Variants in ANKHD1 observed in about 807,000 individuals in gnomAD.
ANKHD1 encodes the protein ankyrin repeat and KH domain-containing protein 1.
In ANKHD1, 31 loss-of-function variants were observed where a neutral mutation model predicts 230.5. The observed-to-expected ratio is 0.13, with a 90% CI of 0.10 to 0.18. The LOEUF (loss-of-function observed/expected upper bound fraction) is 0.18. Among genes scored for constraint, ANKHD1 ranks in the 10% least tolerant of loss-of-function variants. ANKHD1 has a pLI of 1.00. For synonymous variants in ANKHD1, 1,074 were observed against 1,117.6 expected (o/e 0.96, Z 0.78); for missense variants, 2,256 against 3,071.3 (o/e 0.73, Z 6.27).
In ANKHD1 at chr5:140,535,742, A is replaced by G. The variant is rs1030892048; in HGVS notation, c.7027+204A>G. ...TATTCTTTCAAGCCAAAAATGTTTT[A>G]CAGTAGAACTTGGATCAAGAAAAGA... On this transcript the variant is annotated intron_variant, in intron 30 of 33. Coordinates refer to ENST00000360839, the MANE Select transcript of ANKHD1 (RefSeq NM_017747.3). The G allele has an allele frequency of 4.2e-6, 3 of 718,668 alleles. No individual in the cohort carries two copies. The African/African-American group carries it at 5.6e-5, about 13-fold the overall frequency. 44.5% of individuals were successfully genotyped at this position (718,668 alleles called of 1,614,324 possible). A position where few individuals can be genotyped will look rare whatever the true frequency, so the allele number is the denominator to read the frequency against.
At chr5:140,489,234 G>A (rs1751656322) in intron 14 of ANKHD1, among the ~76,000 whole-genome samples, 1 of 151,756 alleles carries the variant, frequency 6.6e-6, no homozygotes, top group African/African-American at 2.4e-5. Context: ...TAGGCTATGT[G>A]CTGTGGCTCA....
chr5:140,453,049 G>A (rs1774876251), intron 7 of ANKHD1, among the ~76,000 whole-genome samples: 1 of 152,158 alleles, frequency 6.6e-6, no homozygotes, highest in Non-Finnish European at 1.5e-5. Context: ...GAAGACCATG[G>A]CACAAGAACT....
intron 10 of ANKHD1, 32 bp downstream of exon 10, chr5:140,464,808 G>A (rs774942903): frequency 1.3e-5 from 20 of 1,566,732 alleles, no homozygotes; most frequent in Admixed American, 1.2e-4. Context: ...ATATTTTTGC[G>A]TTAATGTTAA....
intron 1 of ANKHD1, among the ~76,000 whole-genome samples, chr5:140,404,440 T>G (rs545335526): frequency 5.6e-4 from 85 of 151,874 alleles, no homozygotes; most frequent in African/African-American, 2.0e-3. Flanking sequence ...TTGTTTTTTT[T>G]GTTTTTTTTG....
intron 10 of ANKHD1, among the ~76,000 whole-genome samples, chr5:140,474,966 G>A (rs115326037): frequency 8.0e-4 from 122 of 152,018 alleles, no homozygotes; most frequent in African/African-American, 2.5e-3. Flanking sequence ...AAGGAATAGC[G>A]TATATACATA....
At chr5:140,494,900 A>G (rs1002005430) in intron 14 of ANKHD1, among the ~76,000 whole-genome samples, 1 of 152,218 alleles carries the variant, frequency 6.6e-6, no homozygotes, top group African/African-American at 2.4e-5. Context: ...TTTAATTTAC[A>G]TACCATAAAG....
chr5:140,433,424 C>T (rs905799763), intron 1 of ANKHD1, among the ~76,000 whole-genome samples: 13 of 152,086 alleles, frequency 8.5e-5, no homozygotes, highest in Non-Finnish European at 1.9e-4. Flanking sequence ...CCTCTTCTGC[C>T]CACCTCTACC....
Position 140,482,672 on chromosome 5 carries a change from A to T in ANKHD1, c.1870+5A>T, listed in dbSNP as rs1480965688. On this transcript the variant is annotated splice_donor_5th_base_variant and intron_variant, in intron 11 of 33. Transcript: ENST00000360839. ...TGCAGTTTCTTATTAGCAAAGGTAA[A>T]GAAAGGGCAAGTGATCATTTCCAAG... is the stretch of plus-strand genomic sequence containing the variant. 9.3e-6 allele frequency: 15 copies of T among 1,610,816 alleles called. No homozygotes were observed. The highest frequency in any genetic ancestry group is 1.3e-5 in the Non-Finnish European group (15 of 1,179,088).
In ANKHD1 at chr5:140,526,966, G is replaced by A. The variant is rs376172478; in HGVS notation, c.4979G>A (p.Ser1660Asn). ...GTGACTCCTAATTCCTTGTCAACCAGCTACAAGACAGTGTCATTGCCATTA... is the reference window on the plus strand; with the variant it reads ...GTGACTCCTAATTCCTTGTCAACCAACTACAAGACAGTGTCATTGCCATTA... ...GEVTPNSLSTSYKTVSLPLSS... is the reference protein window; with the variant it reads ...GEVTPNSLSTNYKTVSLPLSS... The change falls in exon 27 of 34, where the codon AGC (serine) becomes AAC (asparagine). Residue 1660 changes from serine (S) to asparagine (N), a missense_variant. Around this residue, in one of 13 missense-constraint regions of ANKHD1, gnomAD observed 212 missense variants for 257.3 expected, o/e 0.82. Coordinates refer to ENST00000360839, the MANE Select transcript of ANKHD1 (RefSeq NM_017747.3). 213 of 1,613,298 alleles carry A rather than the reference G, an allele frequency of 1.3e-4. No individual in the cohort carries two copies. Among genetic ancestry groups the A allele is most frequent in the Non-Finnish European group, 1.7e-4 (203 of 1,179,748 alleles).
rs1200363539 is a variant in ANKHD1 at position 140,482,662 on chromosome 5, G to A, written c.1865G>A (p.Ser622Asn). The A allele has an allele frequency of 1.2e-6, 2 of 1,611,252 alleles. No homozygotes were observed. The highest frequency in any genetic ancestry group is 2.7e-5 in the African/African-American group (2 of 74,842). The change falls in exon 11 of 34, where the codon AGC (serine) becomes AAC (asparagine). Residue 622 changes from serine (S) to asparagine (N), a missense_variant. This residue lies in a region of ANKHD1 where 179 missense variants were observed against 261.8 expected (regional missense o/e 0.68). Transcript: ENST00000360839. ...TTGTGCACTGTGCAGTTTCTTATTA[G>A]CAAAGGTAAAGAAAGGGCAAGTGAT... The part of the protein sequence containing the change: ...GHLCTVQFLI[S>N]KGANVNRATA...
chr5:140,507,744 A>G lies in ANKHD1; in HGVS notation c.3552-41A>G, dbSNP rs766063760. ...TTAATGCTTTTCTAAAATAATAGGC[A>G]ACATATTATTTTAATTTTCTAAGCA... On this transcript the variant is annotated intron_variant, in intron 19 of 33. Transcript: ENST00000360839. The surrounding 1 kb of genome is among the most constrained non-coding windows in gnomAD (Gnocchi z 4.1). 3 of 1,596,142 alleles carry G rather than the reference A, an allele frequency of 1.9e-6. No individual in the cohort carries two copies. The Admixed American group carries it at 5.1e-5, about 27-fold the overall frequency.
rs919474039 is a variant in ANKHD1, at chr5:140,506,368, C to T, written c.3409-467C>T. On this transcript the variant is annotated intron_variant, in intron 18 of 33. Transcript: ENST00000360839. The surrounding 1 kb of genome is among the most constrained non-coding windows in gnomAD (Gnocchi z 4.7). ...TGGAGATGAGGTCTCATTATGTTGC[C>T]CAAGCTGGCCTTGAACTCCTGGCCT... is the stretch of plus-strand genomic sequence containing the variant. Among the ~76,000 whole-genome samples the T allele has an allele frequency of 6.6e-6, 1 of 151,924 alleles. No homozygotes were observed. Among genetic ancestry groups the T allele is most frequent in the Non-Finnish European group, 1.5e-5 (1 of 68,018 alleles).
chr5:140,496,456 C>CTTTTG, intron 14 of ANKHD1, 64 bp from the exon 15 acceptor site: 1 of 875,154 alleles, frequency 1.1e-6, no homozygotes, highest in Non-Finnish European at 1.4e-6. Context: ...TTTTTTTTTT[C>CTTTTG]TTTTCTTTTT....
chr5:140,440,599 G>A (rs1329924549), intron 4 of ANKHD1, among the ~76,000 whole-genome samples: 1 of 152,064 alleles, frequency 6.6e-6, no homozygotes, highest in Admixed American at 6.5e-5. Context: ...TCACATTCAG[G>A]TTACCCCAAT....
chr5:140,465,940 G>A (rs1581293364), intron 10 of ANKHD1, among the ~76,000 whole-genome samples: 2 of 152,130 alleles, frequency 1.3e-5, no homozygotes, highest in South Asian at 4.1e-4. Flanking sequence ...AGGAATTGAA[G>A]TTTGTCATTC....
At chr5:140,508,478 G>A (rs1482086842) in intron 20 of ANKHD1, among the ~76,000 whole-genome samples, 1 of 151,972 alleles carries the variant, frequency 6.6e-6, no homozygotes, top group Non-Finnish European at 1.5e-5. Flanking sequence ...TGGAGGCTGG[G>A]CGCGGTGGCT....
chr5:140,537,434 C>G lies in ANKHD1; in HGVS notation c.7073C>G (p.Ala2358Gly). The change falls in exon 31 of 34, where the codon GCC (alanine) becomes GGC (glycine). Residue 2358 changes from alanine to glycine, a missense_variant. By Grantham distance (60) the Ala-to-Gly change is moderately conservative. Coordinates refer to ENST00000360839, the MANE Select transcript of ANKHD1 (RefSeq NM_017747.3). ...PTLGQPKGVS[A>G]SQDRKIPPPI... ...TTGGGCCAACCAAAAGGAGTCAGTG[C>G]CAGTCAAGATCGAAAGATACCTCCC... 1 of 1,614,134 alleles carries G rather than the reference C, an allele frequency of 6.2e-7. No homozygotes were observed. Among genetic ancestry groups the G allele is most frequent in the East Asian group, 2.2e-5 (1 of 44,878 alleles).
At position 140,539,386 on chromosome 5, in the gene ANKHD1, A is replaced by G. The variant is rs1419482876; in HGVS notation, c.7597A>G (p.Ile2533Val). 4 of 1,613,928 alleles carry G rather than the reference A, an allele frequency of 2.5e-6. No individual in the cohort carries two copies. The highest frequency in any genetic ancestry group is 2.2e-5 in the South Asian group (2 of 91,066). ...QIWPGTWAPHIGNMHLKYVN is the reference protein window; with the variant it reads ...QIWPGTWAPHVGNMHLKYVN ...TTGGCCTGGCACGTGGGCACCTCAT[A>G]TTGGAAACATGCATCTCAAATATGT... The change falls in exon 34 of 34, where the codon ATT becomes GTT. Residue 2533 changes from isoleucine (I) to valine (V), a missense_variant. Transcript: ENST00000360839.
rs1250514677 is a variant in ANKHD1, at chr5:140,527,815, C to T, written c.5088-58C>T. 1 of 1,534,314 alleles carries T rather than the reference C, an allele frequency of 6.5e-7. No individual in the cohort carries two copies. The highest frequency in any genetic ancestry group is 1.4e-5 in the African/African-American group (1 of 72,170). ...TCCATGAACATACTTACTAAGACAT[C>T]TTTCTTAATAAAGAGACATTTAATT... On this transcript the variant is annotated intron_variant, in intron 27 of 33. Coordinates refer to ENST00000360839, the MANE Select transcript of ANKHD1 (RefSeq NM_017747.3). The surrounding 1 kb of genome is among the most constrained non-coding windows in gnomAD (Gnocchi z 4.5).
Sources: gnomAD v4.1 joint callset for allele counts (sites outside exome capture counted in the v4.1 genomes callset) on GRCh38, gnomAD v4.1.1 for gene constraint, gnomAD v4.1.1 regional missense constraint, Gnocchi (gnomAD v3.1) non-coding constraint, MANE v1.5 for transcripts, NCBI Gene and HGNC (gene_info 2026-07-23, HGNC 2026-07-21) for gene names.